RERE: variants seen among roughly 807,000 people sequenced by gnomAD.
RERE encodes the protein arginine-glutamic acid dipeptide repeats.
RERE carries 40 observed loss-of-function variants against 146.1 expected under a neutral mutation model. The ratio of observed to expected loss-of-function variants is 0.27; its 90% CI spans 0.21 to 0.36. The LOEUF (loss-of-function observed/expected upper bound fraction) is 0.36, where lower values mean the gene tolerates loss of function less well. RERE is among the 10% of genes least tolerant of loss of function. The pLI, the probability that RERE is intolerant of heterozygous loss-of-function variation, is 1.00. For missense variants in RERE, 1,933 were observed against 2,138.7 expected (o/e 0.90, Z 1.90); for synonymous variants, 1,003 against 866.0 (o/e 1.16, Z -2.78).
intron 1 of RERE, among the ~76,000 whole-genome samples, chr1:8,725,340 C>A (rs992533716): frequency 3.3e-5 from 5 of 152,110 alleles, no homozygotes; most frequent in African/African-American, 1.2e-4. Flanking sequence ...CCAAGGTGGG[C>A]GGATCTCTTG....
chr1:8,416,600 AAAG>A (rs1457481758), intron 12 of RERE, among the ~76,000 whole-genome samples: 21 of 145,986 alleles, frequency 1.4e-4, no homozygotes, highest in African/African-American at 4.8e-4. Context: ...AAAAAAAAAA[AAAG>A]AAAAGAAAAG....
chr1:8,394,489 A>G (rs1324874351), intron 12 of RERE, among the ~76,000 whole-genome samples: 2 of 152,232 alleles, frequency 1.3e-5, no homozygotes, highest in East Asian at 3.8e-4. Context: ...TGAGAAAACT[A>G]AAGCACAGAG....
rs1315126214 is a variant in RERE at position 8,446,841 on chromosome 1, T to TA, written c.1203+19083_1203+19084insT. Among the ~76,000 whole-genome samples, 8 of 130,208 alleles carry TA rather than the reference T, an allele frequency of 6.1e-5. 1 individual carries two copies. The highest frequency in any genetic ancestry group is 2.7e-4 in the African/African-American group (7 of 25,596). The allele number at this position is 130,208 out of a possible 152,430, so 85.4% of individuals were successfully genotyped here. On this transcript the variant is annotated intron_variant, in intron 11 of 22. Coordinates refer to ENST00000400908, the MANE Select transcript of RERE (RefSeq NM_001042681.2). ...GGCGCCCACTGCCACACCGGGCTAATTTTTTTTTTTTGTATTTTTAGTAGA... is the reference window on the plus strand; with the variant it reads ...GGCGCCCACTGCCACACCGGGCTAATATTTTTTTTTTTGTATTTTTAGTAGA...
chr1:8,750,569 A>T, intron 1 of RERE: 1 of 1,001,492 alleles, frequency 1.0e-6, no homozygotes. Flanking sequence ...GGCAAGGAAG[A>T]AGCTTATTTA....
intron 1 of RERE, among the ~76,000 whole-genome samples, chr1:8,746,826 A>T (rs1640430258): frequency 8.5e-6 from 1 of 117,086 alleles, no homozygotes. Context: ...AGAGAGAAGG[A>T]GGGCAGGCAG....
intron 12 of RERE, among the ~76,000 whole-genome samples, chr1:8,375,091 C>T (rs767040809): frequency 9.5e-6 from 1 of 104,740 alleles, no homozygotes; most frequent in Admixed American, 1.1e-4. Context: ...ATGGGCCCAC[C>T]CAACTTGCCA....
chr1:8,742,080 G>A (rs1240126471), intron 1 of RERE, among the ~76,000 whole-genome samples: 1 of 152,202 alleles, frequency 6.6e-6, no homozygotes, highest in Non-Finnish European at 1.5e-5. Context: ...TGCCATCCCA[G>A]TGTAGTATGT....
chr1:8,703,607 G>A (rs1639505172), intron 1 of RERE, among the ~76,000 whole-genome samples: 1 of 152,200 alleles, frequency 6.6e-6, no homozygotes, highest in Non-Finnish European at 1.5e-5. Context: ...TCCGACAGCC[G>A]GAACTGGGAG....
intron 12 of RERE, among the ~76,000 whole-genome samples, chr1:8,373,953 G>A (rs904930304): frequency 1.3e-5 from 2 of 152,180 alleles, no homozygotes; most frequent in Admixed American, 6.5e-5. Context: ...TTAACCAACC[G>A]AATCCTCTAA....
Position 8,460,768 on chromosome 1 carries a change from C to T in RERE, c.1203+5157G>A, listed in dbSNP as rs183910917. Among the ~76,000 whole-genome samples, 28 of 152,280 alleles carry T rather than the reference C, an allele frequency of 1.8e-4. No homozygotes were observed. The East Asian group carries it at 4.0e-3, about 22-fold the overall frequency. On this transcript the variant is annotated intron_variant, in intron 11 of 22. Transcript: ENST00000400908. Reference sequence around the variant, plus strand: ...GCAACACCTGGATTGTTGCGGAAAGCGAATTCAACATGAAAATAATTTTAA... The same window carrying T: ...GCAACACCTGGATTGTTGCGGAAAGTGAATTCAACATGAAAATAATTTTAA...
At chr1:8,791,719 C>A (rs917669940) in intron 1 of RERE, among the ~76,000 whole-genome samples, 1 of 152,194 alleles carries the variant, frequency 6.6e-6, no homozygotes, top group Non-Finnish European at 1.5e-5. Context: ...TCTGAAATCT[C>A]TTCTTTTCAA....
At chr1:8,416,313 C>A (rs114734725) in intron 12 of RERE, among the ~76,000 whole-genome samples, 1 of 152,080 alleles carries the variant, frequency 6.6e-6, no homozygotes, top group African/African-American at 2.4e-5. Context: ...CGGTCAGGCG[C>A]GGTGGCTCAC....
chr1:8,814,061 G>A lies in RERE; in HGVS notation c.-145+3099C>T, dbSNP rs1641865399. ...AGTTTCCTTGTGACAAAACACTGAT[G>A]GAGAATATATTGAACTGAAATCCCC... On this transcript the variant is annotated intron_variant, in intron 1 of 22. Coordinates refer to ENST00000400908, the MANE Select transcript of RERE (RefSeq NM_001042681.2). Among the ~76,000 whole-genome samples, 5 of 152,168 alleles carry A rather than the reference G, an allele frequency of 3.3e-5. No homozygotes were observed. In the South Asian group the frequency reaches 1.0e-3, roughly 32 times the overall value.
intron 10 of RERE, among the ~76,000 whole-genome samples, chr1:8,470,412 C>A (rs1460386773): frequency 1.3e-5 from 2 of 152,024 alleles, no homozygotes; most frequent in Non-Finnish European, 2.9e-5. Flanking sequence ...CAAGCGCCCA[C>A]CACCACGCCC....
At chr1:8,785,772 C>A (rs1641248810) in intron 1 of RERE, among the ~76,000 whole-genome samples, 1 of 152,170 alleles carries the variant, frequency 6.6e-6, no homozygotes, top group African/African-American at 2.4e-5. Context: ...CAGGTGCCAA[C>A]CACCACGCCC....
intron 1 of RERE, among the ~76,000 whole-genome samples, chr1:8,803,132 G>A (rs1477992843): frequency 5.3e-5 from 8 of 152,186 alleles, no homozygotes; most frequent in East Asian, 1.9e-4. Flanking sequence ...AAAATATGAC[G>A]TTCAATACAT....
intron 10 of RERE, 35 bp downstream of exon 10, chr1:8,495,028 T>C: frequency 1.4e-6 from 2 of 1,430,078 alleles, no homozygotes; most frequent in South Asian, 1.1e-5. Flanking sequence ...GAAAAAGAAG[T>C]GTCTTCCCAC....
intron 1 of RERE, among the ~76,000 whole-genome samples, chr1:8,772,080 A>G (rs1376052920): frequency 1.3e-5 from 2 of 152,128 alleles, no homozygotes; most frequent in Non-Finnish European, 2.9e-5. Flanking sequence ...TTTGTAAAAT[A>G]ATCCCAATTT....
chr1:8,384,330 T>C (rs1642566588), intron 12 of RERE, among the ~76,000 whole-genome samples: 1 of 152,162 alleles, frequency 6.6e-6, no homozygotes, highest in Admixed American at 6.5e-5. Context: ...GTCAGTTCTG[T>C]AATCTGTCCC....
Sources: allele counts gnomAD v4.1 joint callset (sites outside exome capture counted in the v4.1 genomes callset), GRCh38; gene constraint gnomAD v4.1.1; transcripts MANE v1.5; gene names NCBI Gene and HGNC (gene_info 2026-07-23, HGNC 2026-07-21).